Variants in MECOM observed in about 807,000 individuals in gnomAD.
MECOM encodes the protein histone-lysine N-methyltransferase MECOM.
In MECOM, 13 loss-of-function variants were observed where a neutral mutation model predicts 116.3. The ratio of observed to expected loss-of-function variants is 0.11; its 90% CI spans 0.07 to 0.18. The LOEUF (loss-of-function observed/expected upper bound fraction) is 0.18, where lower values mean the gene tolerates loss of function less well. Among genes scored for constraint, MECOM ranks in the 10% least tolerant of loss-of-function variants. MECOM has a pLI of 1.00. For synonymous variants in MECOM, 528 were observed against 535.2 expected, an observed-to-expected ratio of 0.99 and a Z score of 0.19; for missense variants, 1,299 against 1,509.0, an observed-to-expected ratio of 0.86 and a Z score of 2.31.
chr3:169,434,510 T>C (rs572292720), intron 1 of MECOM, among the ~76,000 whole-genome samples: 1 of 152,264 alleles, frequency 6.6e-6, no homozygotes, highest in South Asian at 2.1e-4. Flanking sequence ...CAGAAATATT[T>C]ATTCCATTGA....
At chr3:169,584,067 G>A (rs1375049449) in intron 1 of MECOM, among the ~76,000 whole-genome samples, 1 of 152,048 alleles carries the variant, frequency 6.6e-6, no homozygotes, top group African/African-American at 2.4e-5. Context: ...ATGAATTCCT[G>A]CTGAGAGAAT....
chr3:169,556,126 G>A (rs1354487332), intron 1 of MECOM, among the ~76,000 whole-genome samples: 1 of 152,208 alleles, frequency 6.6e-6, no homozygotes, highest in Non-Finnish European at 1.5e-5. Context: ...GTCTCAGATT[G>A]AGGATGTCAT....
chr3:169,088,273 A>G (rs139443102), intron 16 of MECOM, among the ~76,000 whole-genome samples: 115 of 152,312 alleles, frequency 7.6e-4, no homozygotes, highest in African/African-American at 2.6e-3. Context: ...GATGTCAAAC[A>G]AAAAAGTACC....
At chr3:169,218,768 C>CA (rs1751736467) in intron 2 of MECOM, among the ~76,000 whole-genome samples, 2 of 152,104 alleles carry the variant, frequency 1.3e-5, no homozygotes, top group South Asian at 4.1e-4. Flanking sequence ...ACTGCTTGCC[C>CA]AAAATCATTC....
intron 1 of MECOM, among the ~76,000 whole-genome samples, chr3:169,618,150 T>C (rs1230723948): frequency 6.6e-6 from 1 of 152,226 alleles, no homozygotes; most frequent in African/African-American, 2.4e-5. Context: ...CCATGGCATA[T>C]AGTTAATCCC....
intron 1 of MECOM, among the ~76,000 whole-genome samples, chr3:169,602,550 T>C (rs1767958428): frequency 6.6e-6 from 1 of 152,168 alleles, no homozygotes; most frequent in South Asian, 2.1e-4. Context: ...CCCTGGCTTC[T>C]ATTCACTAGA....
chr3:169,184,138 A>G (rs1287965361), intron 2 of MECOM, among the ~76,000 whole-genome samples: 1 of 152,138 alleles, frequency 6.6e-6, no homozygotes, highest in East Asian at 1.9e-4. Flanking sequence ...TGCTGGGATT[A>G]CAGGCTTGAG....
intron 1 of MECOM, among the ~76,000 whole-genome samples, chr3:169,459,255 G>T (rs1161293174): frequency 6.6e-6 from 1 of 152,158 alleles, no homozygotes; most frequent in Non-Finnish European, 1.5e-5. Context: ...GTGCAGTGAG[G>T]TTCTAGGGAT....
chr3:169,365,080 T>C (rs904852896), intron 2 of MECOM, among the ~76,000 whole-genome samples: 2 of 152,058 alleles, frequency 1.3e-5, no homozygotes, highest in Non-Finnish European at 2.9e-5. Context: ...TCCTTGTCTC[T>C]TACAGGAGAT....
chr3:169,632,404 A>G (rs1023063464), intron 1 of MECOM, among the ~76,000 whole-genome samples: 18 of 151,572 alleles, frequency 1.2e-4, no homozygotes, highest in Non-Finnish European at 2.7e-4. Context: ...AAAAAAAAAT[A>G]GATTTATAGC....
intron 1 of MECOM, among the ~76,000 whole-genome samples, chr3:169,577,169 C>T (rs890179609): frequency 1.3e-5 from 2 of 152,192 alleles, no homozygotes; most frequent in Non-Finnish European, 2.9e-5. Context: ...ATAATAGTAA[C>T]TTATTTCACA....
intron 1 of MECOM, among the ~76,000 whole-genome samples, chr3:169,386,642 A>C (rs1195703403): frequency 3.9e-5 from 6 of 152,092 alleles, no homozygotes; most frequent in Non-Finnish European, 5.9e-5. Flanking sequence ...ACTTCCATGG[A>C]TTTTATTTAT....
At chr3:169,435,982 T>G (rs1742565009) in intron 1 of MECOM, among the ~76,000 whole-genome samples, 1 of 152,202 alleles carries the variant, frequency 6.6e-6, no homozygotes, top group South Asian at 2.1e-4. Context: ...TTTCCCTGGA[T>G]GTTTACAAGA....
intron 2 of MECOM, among the ~76,000 whole-genome samples, chr3:169,300,445 C>T (rs1716495222): frequency 6.6e-6 from 1 of 152,186 alleles, no homozygotes; most frequent in African/African-American, 2.4e-5. Context: ...TACTATCTCA[C>T]AACATTTTAG....
At chr3:169,250,674 T>C (rs1310730525) in intron 2 of MECOM, among the ~76,000 whole-genome samples, 2 of 152,226 alleles carry the variant, frequency 1.3e-5, no homozygotes, top group Non-Finnish European at 2.9e-5. Context: ...ATTATTCCTG[T>C]GGTTGTTAAC....
In MECOM at chr3:169,131,462, A is replaced by C. The variant is rs745797691; in HGVS notation, c.580T>G (p.Tyr194Asp). ...ELLLFMKSED[Y>D]PHETMAPDIH... Reference sequence around the variant, plus strand: ...TCCGGCGCCATAGTTTCATGGGGATAGTCTTCGCTCTTCATGAACAGCAGA... The same window carrying C: ...TCCGGCGCCATAGTTTCATGGGGATCGTCTTCGCTCTTCATGAACAGCAGA... Residue 194 changes from tyrosine (Y) to aspartate (D), a missense_variant, in exon 4 of 17, where the codon TAT becomes GAT. Tyr to Asp is a radical substitution (Grantham distance 160). Transcript: ENST00000651503. 3.0e-5 allele frequency: 48 copies of C among 1,613,960 alleles called. No individual in the cohort carries two copies. The Admixed American group carries it at 3.3e-4, about 11-fold the overall frequency.
intron 1 of MECOM, among the ~76,000 whole-genome samples, chr3:169,499,064 CAG>C (rs1458942046): frequency 6.6e-6 from 1 of 151,496 alleles, no homozygotes; most frequent in Admixed American, 6.6e-5. Context: ...TTAAATAAAT[CAG>C]AGTTAAGAGA....
intron 2 of MECOM, among the ~76,000 whole-genome samples, chr3:169,169,322 G>C (rs1399499855): frequency 6.6e-6 from 1 of 152,110 alleles, no homozygotes; most frequent in African/African-American, 2.4e-5. Context: ...TTGAAACTAT[G>C]ATAAGAAAAT....
intron 2 of MECOM, among the ~76,000 whole-genome samples, chr3:169,226,043 T>C (rs943415565): frequency 4.6e-5 from 7 of 152,222 alleles, no homozygotes; most frequent in African/African-American, 1.7e-4. Context: ...AAACTTCCAT[T>C]GTCTCTTTAA....
Sources: allele counts gnomAD v4.1 joint callset (sites outside exome capture counted in the v4.1 genomes callset), GRCh38; gene constraint gnomAD v4.1.1; transcripts MANE v1.5; gene names NCBI Gene and HGNC (gene_info 2026-07-23, HGNC 2026-07-21).